TFAP2D: variants seen among roughly 807,000 people sequenced by gnomAD.
The protein encoded by TFAP2D is transcription factor AP-2 delta, also known as transcription factor AP-2-delta.
TFAP2D carries 9 observed loss-of-function variants against 43.6 expected under a neutral mutation model. That is an observed-to-expected ratio of 0.21 (90% confidence interval 0.12 to 0.36). TFAP2D has a LOEUF of 0.36. Among genes scored for constraint, TFAP2D ranks in the 10% least tolerant of loss-of-function variants. The probability of loss-of-function intolerance (pLI) is 1.00; values close to 1 mark genes in which losing one functional copy is unlikely to be tolerated. For missense variants in TFAP2D, 513 were observed against 561.4 expected (o/e 0.91, Z 0.87); for synonymous variants, 256 against 224.9 (o/e 1.14, Z -1.24).
rs761033986 is a variant in TFAP2D, at chr6:50,729,242, G to A, written c.813G>A (p.Arg271=). The A allele has an allele frequency of 6.2e-7, 1 of 1,613,954 alleles. No homozygotes were observed. The change falls in exon 5 of 8, where the codon AGG becomes AGA. Residue 271 remains arginine (R), a synonymous_variant. Transcript: ENST00000008391. The part of the protein sequence containing the change: ...GGRCLREKLD[R]LGLNLPAGRR... ...GCTGCCTGAGAGAGAAATTGGATAGGCTTGGCTTAAACTTACCAGCAGGAA... is the reference window on the plus strand; with the variant it reads ...GCTGCCTGAGAGAGAAATTGGATAGACTTGGCTTAAACTTACCAGCAGGAA...
At chr6:50,764,297 A>C (rs1769410520) in intron 7 of TFAP2D, among the ~76,000 whole-genome samples, 1 of 152,178 alleles carries the variant, frequency 6.6e-6, no homozygotes, top group Admixed American at 6.5e-5. Context: ...TTAAAGATTG[A>C]GCTCTGAAAA....
chr6:50,760,958 C>T (rs1330634676), intron 7 of TFAP2D, among the ~76,000 whole-genome samples: 1 of 150,536 alleles, frequency 6.6e-6, no homozygotes, highest in African/African-American at 2.4e-5. Flanking sequence ...TATCTAGTAG[C>T]CACCTAACAC....
intron 7 of TFAP2D, among the ~76,000 whole-genome samples, chr6:50,768,031 G>A (rs1053763281): frequency 1.3e-5 from 2 of 152,162 alleles, no homozygotes; most frequent in South Asian, 4.2e-4. Flanking sequence ...TTTAACCCTG[G>A]TGATATTTGC....
At chr6:50,759,702 A>G (rs1311495193) in intron 7 of TFAP2D, among the ~76,000 whole-genome samples, 1 of 152,060 alleles carries the variant, frequency 6.6e-6, no homozygotes, top group African/African-American at 2.4e-5. Flanking sequence ...TATCACTTTC[A>G]AGAAGCTGAC....
At chr6:50,718,928 T>A (rs1171234652) in intron 2 of TFAP2D, among the ~76,000 whole-genome samples, 162 bp from the exon 3 acceptor site, 2 of 152,236 alleles carry the variant, frequency 1.3e-5, no homozygotes, top group Non-Finnish European at 2.9e-5. Flanking sequence ...TGCAATTTTT[T>A]AAAAAATTGT....
intron 7 of TFAP2D, among the ~76,000 whole-genome samples, chr6:50,756,820 C>A (rs1769271477): frequency 1.3e-5 from 2 of 151,930 alleles, no homozygotes; most frequent in Non-Finnish European, 2.9e-5. Flanking sequence ...ATAGTGGTGG[C>A]ATTAGAACAA....
Position 50,713,792 on chromosome 6 carries a change from G to T in TFAP2D, c.-264G>T. On this transcript the variant is annotated 5_prime_UTR_variant, in exon 1 of 8. Transcript: ENST00000008391. The stretch of plus-strand genomic sequence containing the variant: ...TATTACCAAGGGACCTACGACATCA[G>T]CCAAAGAAATACTCAGCAAGTACAA... The T allele has an allele frequency of 1.8e-6, 1 of 562,342 alleles. No homozygotes were observed. Among genetic ancestry groups the T allele is most frequent in the Non-Finnish European group, 3.1e-6 (1 of 322,524 alleles). 34.8% of individuals were successfully genotyped at this position (562,342 alleles called of 1,614,324 possible).
At chr6:50,744,933 C>G (rs934112021) in intron 5 of TFAP2D, among the ~76,000 whole-genome samples, 174 bp from the exon 6 acceptor site, 12 of 152,070 alleles carry the variant, frequency 7.9e-5, no homozygotes, top group African/African-American at 2.9e-4. Context: ...TCCCCTCATT[C>G]TTCCTCATTA....
At chr6:50,743,450 C>T (rs180821000) in intron 5 of TFAP2D, among the ~76,000 whole-genome samples, 44 of 152,120 alleles carry the variant, frequency 2.9e-4, no homozygotes, top group Admixed American at 1.3e-3. Flanking sequence ...AGTGTAATTA[C>T]GGCTCACTAC....
At chr6:50,748,299 A>C (rs1769153419) in intron 6 of TFAP2D, among the ~76,000 whole-genome samples, 1 of 151,966 alleles carries the variant, frequency 6.6e-6, no homozygotes, top group Non-Finnish European at 1.5e-5. Flanking sequence ...TCATCAATTA[A>C]AATGGTAAAA....
intron 5 of TFAP2D, among the ~76,000 whole-genome samples, chr6:50,741,064 GAT>G (rs1315928755): frequency 1.3e-5 from 2 of 151,866 alleles, no homozygotes; most frequent in African/African-American, 4.8e-5. Flanking sequence ...CTTTTTAAGA[GAT>G]ATGTTTAATA....
chr6:50,765,834 T>G (rs1435499868), intron 7 of TFAP2D, among the ~76,000 whole-genome samples: 1 of 152,222 alleles, frequency 6.6e-6, no homozygotes, highest in East Asian at 1.9e-4. Context: ...ATTTTGTGAT[T>G]GTTGCCTTTA....
chr6:50,725,850 A>G (rs773691743), intron 3 of TFAP2D, among the ~76,000 whole-genome samples: 21 of 152,210 alleles, frequency 1.4e-4, no homozygotes, highest in Non-Finnish European at 3.1e-4. Context: ...TGTAAACTCT[A>G]CAAGTTGCCA....
chr6:50,739,623 A>T (rs1056462558), intron 5 of TFAP2D, among the ~76,000 whole-genome samples: 2 of 151,988 alleles, frequency 1.3e-5, no homozygotes, highest in Non-Finnish European at 2.9e-5. Flanking sequence ...AGAGGGATAT[A>T]CTCTATTTTT....
chr6:50,717,599 C>A (rs1353701942), intron 2 of TFAP2D, among the ~76,000 whole-genome samples: 1 of 152,148 alleles, frequency 6.6e-6, no homozygotes, highest in African/African-American at 2.4e-5. Context: ...GGGACACAGT[C>A]CAAGATACTA....
chr6:50,730,805 C>T (rs945840773), intron 5 of TFAP2D, among the ~76,000 whole-genome samples: 1 of 152,042 alleles, frequency 6.6e-6, no homozygotes, highest in Non-Finnish European at 1.5e-5. Context: ...GTTTTTAAAG[C>T]TCCCCAGGTG....
In TFAP2D at chr6:50,719,148, G is replaced by C. The variant is rs372669669; in HGVS notation, c.596G>C (p.Arg199Thr). 3.7e-6 allele frequency: 6 copies of C among 1,613,900 alleles called. No homozygotes were observed. Among genetic ancestry groups the C allele is most frequent in the Non-Finnish European group, 5.1e-6 (6 of 1,179,832 alleles). The change falls in exon 3 of 8, where the codon AGA (arginine) becomes ACA (threonine). Residue 199 changes from arginine (R) to threonine (T), a missense_variant and splice_region_variant. Arg to Thr is a moderately conservative substitution (Grantham distance 71, BLOSUM62 -1). This residue lies in a region of TFAP2D where 311 missense variants were observed against 316.2 expected (regional missense o/e 0.98). Transcript: ENST00000008391. ...VLNGQGGVIR[R>T]GGTCVVNPTD... ...AATGGCCAAGGTGGAGTGATAAGAA[G>C]AGGTAAGTAACAAGTAACAACATGT...
chr6:50,714,288 C>T (rs1768577691), intron 1 of TFAP2D, among the ~76,000 whole-genome samples, 194 bp downstream of exon 1: 1 of 151,758 alleles, frequency 6.6e-6, no homozygotes. Flanking sequence ...ACATCTGTCG[C>T]CAGGGAGGGC....
rs1768572803 is a variant in TFAP2D, at chr6:50,714,095, G to A, written c.39+1G>A. 6.3e-7 allele frequency: 1 copy of A among 1,581,034 alleles called. No homozygotes were observed. Among genetic ancestry groups the A allele is most frequent in the African/African-American group, 1.4e-5 (1 of 71,918 alleles). ...TCCGGGACTAGTCCACGATGCCGAGGTATTATTACTTTTTTTTTTTTTTTT... is the reference window on the plus strand; with the variant it reads ...TCCGGGACTAGTCCACGATGCCGAGATATTATTACTTTTTTTTTTTTTTTT... On this transcript the variant is annotated splice_donor_variant, in intron 1 of 7. Transcript: ENST00000008391. LOFTEE classifies it high-confidence loss of function.
Sources: gnomAD v4.1 joint callset for allele counts (sites outside exome capture counted in the v4.1 genomes callset) on GRCh38, gnomAD v4.1.1 for gene constraint, gnomAD v4.1.1 regional missense constraint, MANE v1.5 for transcripts, NCBI Gene and HGNC (gene_info 2026-07-23, HGNC 2026-07-21) for gene names.